Variants in PLEKHM3 observed in about 807,000 individuals in gnomAD.
PLEKHM3 encodes pleckstrin homology domain containing M3.
PLEKHM3 carries 45 observed loss-of-function variants against 81.8 expected under a neutral mutation model. That is an observed-to-expected ratio of 0.55 (90% CI 0.43 to 0.71). The LOEUF (loss-of-function observed/expected upper bound fraction) is 0.71, where lower values mean the gene tolerates loss of function less well. Among genes scored for constraint, PLEKHM3 ranks in the 30% least tolerant of loss-of-function variants. The pLI, the probability that PLEKHM3 is intolerant of heterozygous loss-of-function variation, is 0.00. For synonymous variants in PLEKHM3, 352 were observed against 356.4 expected (o/e 0.99, Z 0.14); for missense variants, 788 against 924.3 (o/e 0.85, Z 1.91).
At chr2:207,882,382 C>A (rs539725210) in intron 6 of PLEKHM3, among the ~76,000 whole-genome samples, 6 of 151,802 alleles carry the variant, frequency 4.0e-5, no homozygotes, top group African/African-American at 1.4e-4. Context: ...GAGGCTGAGG[C>A]AGGTGGATCA....
rs79295119 is a variant in PLEKHM3, at chr2:207,991,374, C to T, written c.610+9656G>A. On this transcript the variant is annotated intron_variant, in intron 2 of 7. Coordinates refer to ENST00000427836, the MANE Select transcript of PLEKHM3 (RefSeq NM_001080475.3). ...GATCCTAGAAATCCCACTAGCACAT[C>T]CACATGTAAGGCAAAACCTATCAGC... Among the ~76,000 whole-genome samples the T allele has an allele frequency of 1.8e-4, 28 of 152,330 alleles. No individual in the cohort carries two copies. In the East Asian group the frequency reaches 5.0e-3, roughly 27 times the overall value.
rs543250728 is a variant in PLEKHM3, at chr2:207,862,732, A to G, written c.1951-1470T>C. On this transcript the variant is annotated intron_variant, in intron 6 of 7. Transcript: ENST00000427836. ...AATTACAATGTCCAGGTGAGTAGGT[A>G]GTAGTGACTGGTAATACAAAAACAA... Among the ~76,000 whole-genome samples, 3 of 152,374 alleles carry G rather than the reference A, an allele frequency of 2.0e-5. No homozygotes were observed. The South Asian group carries it at 6.2e-4, about 32-fold the overall frequency.
chr2:207,979,427 G>A (rs1036860823), intron 2 of PLEKHM3, among the ~76,000 whole-genome samples: 17 of 152,132 alleles, frequency 1.1e-4, no homozygotes, highest in African/African-American at 4.1e-4. Flanking sequence ...CCAGCTACTT[G>A]GGAGGCTGAG....
At chr2:207,864,735 A>C (rs2092486566) in intron 6 of PLEKHM3, among the ~76,000 whole-genome samples, 1 of 152,218 alleles carries the variant, frequency 6.6e-6, no homozygotes, top group Non-Finnish European at 1.5e-5. Flanking sequence ...CCAAATTTAC[A>C]CTGTTAGCAA....
intron 6 of PLEKHM3, among the ~76,000 whole-genome samples, chr2:207,879,665 C>T (rs1425925416): frequency 6.6e-6 from 1 of 152,124 alleles, no homozygotes; most frequent in Non-Finnish European, 1.5e-5. Context: ...TTCAGAATAA[C>T]CTCTAGGGGA....
chr2:207,864,932 C>T (rs1169359477), intron 6 of PLEKHM3, among the ~76,000 whole-genome samples: 1 of 152,030 alleles, frequency 6.6e-6, no homozygotes, highest in African/African-American at 2.4e-5. Flanking sequence ...TAAGGTTAAA[C>T]TTTTGTATAT....
At chr2:207,829,335 G>A (rs2092271545) in intron 7 of PLEKHM3, among the ~76,000 whole-genome samples, 1 of 152,082 alleles carries the variant, frequency 6.6e-6, no homozygotes, top group Non-Finnish European at 1.5e-5. Context: ...GTGCAGTGGT[G>A]TGACCTCGGC....
At chr2:207,986,838 A>ATTTTTTTT (rs370986896) in intron 2 of PLEKHM3, among the ~76,000 whole-genome samples, 1 of 126,300 alleles carries the variant, frequency 7.9e-6, no homozygotes, top group Non-Finnish European at 1.6e-5. Context: ...TGCCCAGCTA[A>ATTTTTTTT]TTTTTTTTTT....
intron 5 of PLEKHM3, among the ~76,000 whole-genome samples, chr2:207,919,015 G>C (rs1256490800): frequency 6.6e-6 from 1 of 152,052 alleles, no homozygotes; most frequent in African/African-American, 2.4e-5. Context: ...TGGGCAGTGG[G>C]GTACAAACAG....
chr2:207,922,962 G>A (rs1689237040), intron 5 of PLEKHM3, among the ~76,000 whole-genome samples: 1 of 152,212 alleles, frequency 6.6e-6, no homozygotes, highest in Non-Finnish European at 1.5e-5. Flanking sequence ...GAGAAGCCAA[G>A]TCAAGTCGAG....
At chr2:207,936,838 G>T (rs1457624908) in intron 4 of PLEKHM3, among the ~76,000 whole-genome samples, 1 of 144,018 alleles carries the variant, frequency 6.9e-6, no homozygotes, top group Admixed American at 7.0e-5. Context: ...GAACTGGTTA[G>T]ATAAATTAGT....
At chr2:208,024,045 A>G (rs1693219862) in intron 1 of PLEKHM3, among the ~76,000 whole-genome samples, 1 of 151,906 alleles carries the variant, frequency 6.6e-6, no homozygotes, top group Non-Finnish European at 1.5e-5. Context: ...AGGGAGGCTG[A>G]GGTGGAAGGA....
At chr2:207,912,942 A>C (rs2105908084) in intron 5 of PLEKHM3, among the ~76,000 whole-genome samples, 1 of 152,292 alleles carries the variant, frequency 6.6e-6, no homozygotes, top group African/African-American at 2.4e-5. Context: ...CTAAAAGCCA[A>C]GCTCAGGAAA....
intron 3 of PLEKHM3, among the ~76,000 whole-genome samples, chr2:207,949,724 A>G (rs1690267326): frequency 6.6e-6 from 1 of 152,190 alleles, no homozygotes; most frequent in African/African-American, 2.4e-5. Context: ...TGACCATGAT[A>G]TTGCAGAAAT....
intron 4 of PLEKHM3, among the ~76,000 whole-genome samples, chr2:207,937,444 C>A (rs112863601): frequency 1.3e-5 from 2 of 151,752 alleles, no homozygotes; most frequent in African/African-American, 4.8e-5. Flanking sequence ...GTGGCGTGCG[C>A]CTGTAGTCCC....
At chr2:207,954,567 T>C (rs180945506) in intron 3 of PLEKHM3, among the ~76,000 whole-genome samples, 4 of 152,302 alleles carry the variant, frequency 2.6e-5, no homozygotes, top group Admixed American at 1.3e-4. Flanking sequence ...TAGATTATAC[T>C]TGCAGAACTA....
At chr2:207,984,067 AAACAC>A (rs1691632737) in intron 2 of PLEKHM3, among the ~76,000 whole-genome samples, 2 of 152,206 alleles carry the variant, frequency 1.3e-5, no homozygotes, top group South Asian at 4.1e-4. Context: ...AGAAAGTTTC[AAACAC>A]ACTTGAAAAG....
chr2:207,898,340 G>A (rs925560551), intron 6 of PLEKHM3, among the ~76,000 whole-genome samples: 4 of 152,276 alleles, frequency 2.6e-5, no homozygotes, highest in East Asian at 1.9e-4. Context: ...AGCTCTCTCT[G>A]GTTCATCTGC....
intron 2 of PLEKHM3, among the ~76,000 whole-genome samples, chr2:207,988,472 A>G (rs1691796428): frequency 6.6e-6 from 1 of 152,218 alleles, no homozygotes. Context: ...ACACTATGTA[A>G]GTGTTCAACA....
Sources: allele counts gnomAD v4.1 joint callset (sites outside exome capture counted in the v4.1 genomes callset), GRCh38; gene constraint gnomAD v4.1.1; transcripts MANE v1.5; gene names NCBI Gene and HGNC (gene_info 2026-07-23, HGNC 2026-07-21).